HIPK2: variants seen among roughly 807,000 people sequenced by gnomAD.
HIPK2 encodes the protein homeodomain interacting protein kinase 2.
In HIPK2, 27 loss-of-function variants were observed where a neutral mutation model predicts 113.7. The ratio of observed to expected loss-of-function variants is 0.24; its 90% CI spans 0.17 to 0.33. The LOEUF (loss-of-function observed/expected upper bound fraction) is 0.33. HIPK2 is among the 10% of genes least tolerant of loss of function. The pLI, the probability that HIPK2 is intolerant of heterozygous loss-of-function variation, is 1.00. For missense variants in HIPK2, 1,257 were observed against 1,588.0 expected, an observed-to-expected ratio of 0.79 and a Z score of 3.54; for synonymous variants, 631 against 642.2, an observed-to-expected ratio of 0.98 and a Z score of 0.26.
At chr7:139,751,024 T>C (rs1331524535) in intron 1 of HIPK2, among the ~76,000 whole-genome samples, 1 of 152,242 alleles carries the variant, frequency 6.6e-6, no homozygotes, top group Non-Finnish European at 1.5e-5. Context: ...TTTATTTGTA[T>C]TTATCCTGAT....
rs1794124200 is a variant in HIPK2, at chr7:139,683,617, T to C, written c.1103+32315A>G. On this transcript the variant is annotated intron_variant, in intron 2 of 14. Transcript: ENST00000406875. The surrounding 1 kb of genome is among the most constrained non-coding windows in gnomAD (Gnocchi z 4.2). ...TCTGGGTCACACAGACCAATCCTGG[T>C]GAATACCAGGAGGTGAGGGTCATTA... Among the ~76,000 whole-genome samples the C allele has an allele frequency of 6.6e-6, 1 of 152,094 alleles. No homozygotes were observed.
chr7:139,658,443 T>C (rs188117391), intron 2 of HIPK2, among the ~76,000 whole-genome samples: 5 of 152,246 alleles, frequency 3.3e-5, no homozygotes, highest in Non-Finnish European at 5.9e-5. Context: ...GGCCATGTTA[T>C]GAAATGAAGA....
At chr7:139,624,944 C>T (rs753897730) in intron 6 of HIPK2, among the ~76,000 whole-genome samples, 5 of 152,320 alleles carry the variant, frequency 3.3e-5, no homozygotes, top group Admixed American at 3.3e-4. Context: ...GCTCTGCCAC[C>T]TTCTGCTCCA....
intron 2 of HIPK2, among the ~76,000 whole-genome samples, chr7:139,688,866 A>G (rs149402030): frequency 2.0e-5 from 3 of 152,224 alleles, no homozygotes; most frequent in East Asian, 1.9e-4. Flanking sequence ...GAACATGATG[A>G]AAAAAAAGTC....
At chr7:139,674,295 G>A (rs1802415760) in intron 2 of HIPK2, among the ~76,000 whole-genome samples, 1 of 152,164 alleles carries the variant, frequency 6.6e-6, no homozygotes, top group African/African-American at 2.4e-5. Context: ...GGAGTGAGGT[G>A]GGTGTTTGGT....
rs569259743 is a variant in HIPK2 at position 139,638,573 on chromosome 7, A to G, written c.1104-6848T>C. Among the ~76,000 whole-genome samples, 44 of 152,310 alleles carry G rather than the reference A, an allele frequency of 2.9e-4. No individual in the cohort carries two copies. In the South Asian group the frequency reaches 8.9e-3, roughly 31 times the overall value. ...AAGTGTCAGACAAAATCTGCACCTA[A>G]GAAAGAGGACTCATTCCTTTCCAAC... On this transcript the variant is annotated intron_variant, in intron 2 of 14. Transcript: ENST00000406875.
At chr7:139,741,102 G>A (rs191613540) in intron 1 of HIPK2, among the ~76,000 whole-genome samples, 30 of 152,232 alleles carry the variant, frequency 2.0e-4, no homozygotes, top group African/African-American at 6.3e-4. Flanking sequence ...AGCTGAGATC[G>A]CGCCACTGCA....
At chr7:139,772,878 G>T (rs776364876) in intron 1 of HIPK2, among the ~76,000 whole-genome samples, 13 of 151,194 alleles carry the variant, frequency 8.6e-5, no homozygotes, top group Non-Finnish European at 1.6e-4. Flanking sequence ...GAGCCACTGT[G>T]CCTACCCAAG....
At position 139,575,045 on chromosome 7, in the gene HIPK2, G is replaced by T. The variant is rs143705900; in HGVS notation, c.3126+83C>A. The T allele has an allele frequency of 4.1e-4, 605 of 1,469,324 alleles. 2 individuals carry two copies. In the African/African-American group the frequency reaches 7.4e-3, roughly 18 times the overall value. 91.0% of individuals were successfully genotyped at this position (1,469,324 alleles called of 1,614,324 possible). A position where few individuals can be genotyped will look rare whatever the true frequency, so the allele number is the denominator to read the frequency against. Reference sequence around the variant, plus strand: ...TGCAGCCCTGTGAGGTGGGTGAGGGGCCGCCACAGCAATCCTCTCTGAAGC... The same window carrying T: ...TGCAGCCCTGTGAGGTGGGTGAGGGTCCGCCACAGCAATCCTCTCTGAAGC... On this transcript the variant is annotated intron_variant, in intron 14 of 14. Transcript: ENST00000406875.
rs80144405 is a variant in HIPK2, at chr7:139,740,651, G to A, written c.20-23636C>T. ...AGATATCAAAAGAGACGGGTCCTTC[G>A]AGGCCTGCACACCTGTTAGTCCTAA... On this transcript the variant is annotated intron_variant, in intron 1 of 14. Coordinates refer to ENST00000406875, the MANE Select transcript of HIPK2 (RefSeq NM_022740.5). Among the ~76,000 whole-genome samples, 1,410 of 152,326 alleles carry A rather than the reference G, an allele frequency of 9.3e-3. 14 individuals are homozygous for A. Among genetic ancestry groups the A allele is most frequent in the African/African-American group, 0.031 (1,296 of 41,564 alleles).
chr7:139,677,617 G>A (rs1403839698), intron 2 of HIPK2, among the ~76,000 whole-genome samples: 2 of 152,146 alleles, frequency 1.3e-5, no homozygotes, highest in Admixed American at 1.3e-4. Context: ...GGATACATGT[G>A]CAGAACGTGC....
At chr7:139,736,616 C>T (rs953468734) in intron 1 of HIPK2, among the ~76,000 whole-genome samples, 1 of 152,198 alleles carries the variant, frequency 6.6e-6, no homozygotes, top group Non-Finnish European at 1.5e-5. Flanking sequence ...GAGTTACTGT[C>T]CTGGGCCAAT....
rs1019137966 is a variant in HIPK2, at chr7:139,630,758, A to G, written c.1347+407T>C. Among the ~76,000 whole-genome samples the G allele has an allele frequency of 6.6e-6, 1 of 152,152 alleles. No homozygotes were observed. The highest frequency in any genetic ancestry group is 1.5e-5 in the Non-Finnish European group (1 of 68,018). ...TGCCCCTCTGCTGCAGGCAGAATTA[A>G]ATGCTCCTTCCTCTTGGCACCCACA... On this transcript the variant is annotated intron_variant, in intron 4 of 14. Transcript: ENST00000406875. The surrounding 1 kb of genome is among the most constrained non-coding windows in gnomAD (Gnocchi z 4.0).
chr7:139,653,486 C>T (rs1353485581), intron 2 of HIPK2, among the ~76,000 whole-genome samples: 4 of 150,804 alleles, frequency 2.7e-5, no homozygotes, highest in Non-Finnish European at 5.9e-5. Context: ...AAAACTCTGA[C>T]CCATGGACCT....
At chr7:139,576,590 A>G (rs1008584739) in intron 13 of HIPK2, among the ~76,000 whole-genome samples, 1 of 152,140 alleles carries the variant, frequency 6.6e-6, no homozygotes, top group Non-Finnish European at 1.5e-5. Flanking sequence ...GTATTTTCTG[A>G]GCTCCTGCCC....
In HIPK2 at chr7:139,716,781, A is replaced by G. The variant is rs756638561; in HGVS notation, c.254T>C (p.Val85Ala). Residue 85 changes from valine to alanine, a missense_variant, in exon 2 of 15, where the codon GTC (valine) becomes GCC (alanine). Val to Ala is a moderately conservative substitution (Grantham distance 64). This residue lies in a region of HIPK2 where 209 missense variants were observed against 237.8 expected (regional missense o/e 0.88). Transcript: ENST00000406875. The surrounding 1 kb of genome is among the most constrained non-coding windows in gnomAD (Gnocchi z 9.3). ...NPSLPYEQTI[V>A]FPGSTGHIVV... ...GATGTGCCCGGTGCTTCCTGGGAAG[A>G]CGATGGTCTGCTCGTAAGGTAGGCT... is the stretch of plus-strand genomic sequence containing the variant. 5.0e-6 allele frequency: 8 copies of G among 1,613,776 alleles called. No individual in the cohort carries two copies. Among genetic ancestry groups the G allele is most frequent in the Non-Finnish European group, 6.8e-6 (8 of 1,179,892 alleles).
chr7:139,622,048 A>G (rs995647421), intron 6 of HIPK2, among the ~76,000 whole-genome samples: 6 of 152,152 alleles, frequency 3.9e-5, no homozygotes, highest in African/African-American at 1.4e-4. Context: ...GTTTTCTACT[A>G]TTTTAGGATT....
At chr7:139,649,952 A>T (rs1801395888) in intron 2 of HIPK2, among the ~76,000 whole-genome samples, 1 of 152,168 alleles carries the variant, frequency 6.6e-6, no homozygotes, top group South Asian at 2.1e-4. Flanking sequence ...GGTACACCTC[A>T]GTCTATCGCT....
chr7:139,584,328 G>A (rs1196369456), intron 12 of HIPK2, among the ~76,000 whole-genome samples: 1 of 152,034 alleles, frequency 6.6e-6, no homozygotes, highest in Non-Finnish European at 1.5e-5. Flanking sequence ...AGATGCTTCC[G>A]GGCTGGCCTG....
Sources: gnomAD v4.1 joint callset for allele counts (sites outside exome capture counted in the v4.1 genomes callset) on GRCh38, gnomAD v4.1.1 for gene constraint, gnomAD v4.1.1 regional missense constraint, Gnocchi (gnomAD v3.1) non-coding constraint, MANE v1.5 for transcripts, NCBI Gene and HGNC (gene_info 2026-07-23, HGNC 2026-07-21) for gene names.